ABCC9: variants seen among roughly 807,000 people sequenced by gnomAD.
ABCC9 encodes the protein ATP-binding cassette sub-family C member 9.
ABCC9 carries 95 observed loss-of-function variants against 188.3 expected under a neutral mutation model. The ratio of observed to expected loss-of-function variants is 0.50; its 90% CI spans 0.43 to 0.60. The LOEUF (loss-of-function observed/expected upper bound fraction) is 0.60, where lower values mean the gene tolerates loss of function less well. Among genes scored for constraint, ABCC9 ranks in the 20% least tolerant of loss-of-function variants. The pLI is 0.00. For synonymous variants in ABCC9, 659 were observed against 652.7 expected (o/e 1.01, Z -0.15); for missense variants, 1,102 against 1,876.3 (o/e 0.59, Z 7.62).
chr12:21,915,267 A>ATATGTATGTGTGTATGTATATAC (rs774503903), intron 7 of ABCC9, among the ~76,000 whole-genome samples: 55 of 89,172 alleles, frequency 6.2e-4, no homozygotes, highest in South Asian at 1.4e-3. Flanking sequence ...GTGTGTATAT[A>ATATGTATGTGTGTATGTATATAC]ATGTGTATAT....
Position 21,913,055 on chromosome 12 carries a change from T to G in ABCC9, c.828A>C (p.Ala276=), listed in dbSNP as rs1481796693. The change falls in exon 8 of 40, where the codon GCA becomes GCC. Residue 276 remains alanine, a synonymous_variant. Transcript: ENST00000261200. ...TAGATGGAGTCCGATTTGGATGATC[T>G]GCAACTTTTTTCTGAAGAAAAAAAA... ...DAYEEQKKKV[A]DHPNRTPSIW... is the part of the protein sequence containing the mutation. 14 of 1,597,554 alleles carry G rather than the reference T, an allele frequency of 8.8e-6. No homozygotes were observed. Among genetic ancestry groups the G allele is most frequent in the Non-Finnish European group, 1.2e-5 (14 of 1,175,462 alleles).
At chr12:21,857,320 A>T (rs1592083495) in intron 22 of ABCC9, among the ~76,000 whole-genome samples, 1 of 152,196 alleles carries the variant, frequency 6.6e-6, no homozygotes, top group African/African-American at 2.4e-5. Flanking sequence ...GCCTAGAGAA[A>T]TGTAAATTTA....
chr12:21,872,012 G>T (rs1946109309), intron 18 of ABCC9, among the ~76,000 whole-genome samples: 1 of 152,136 alleles, frequency 6.6e-6, no homozygotes, highest in Admixed American at 6.5e-5. Flanking sequence ...ACCACAATGT[G>T]CTTTGACCAC....
At chr12:21,853,334 A>G (rs1203945036) in intron 22 of ABCC9, among the ~76,000 whole-genome samples, 1 of 152,268 alleles carries the variant, frequency 6.6e-6, no homozygotes, top group Middle Eastern at 3.4e-3. Context: ...GTCAAAAAAG[A>G]AAGAAAAAAG....
intron 39 of ABCC9, among the ~76,000 whole-genome samples, chr12:21,803,276 A>T (rs1203569068): frequency 1.3e-5 from 2 of 152,134 alleles, no homozygotes; most frequent in Non-Finnish European, 2.9e-5. Flanking sequence ...GATGTCTAAA[A>T]AAAGAATTTG....
chr12:21,828,930 C>A, intron 31 of ABCC9, 28 bp downstream of exon 31: 2 of 1,581,612 alleles, frequency 1.3e-6, no homozygotes, highest in Non-Finnish European at 1.7e-6. Flanking sequence ...TATTTGGTTT[C>A]CATTTCGAAA....
chr12:21,867,367 G>C (rs899884199), intron 18 of ABCC9, among the ~76,000 whole-genome samples: 2 of 152,064 alleles, frequency 1.3e-5, no homozygotes, highest in African/African-American at 2.4e-5. Context: ...GACAACAGGA[G>C]AATGCAAAGA....
Position 21,895,380 on chromosome 12 carries a change from C to A in ABCC9, c.1619-65G>T. On this transcript the variant is annotated intron_variant, in intron 12 of 39. Coordinates refer to ENST00000261200, the MANE Select transcript of ABCC9 (RefSeq NM_020297.4). ...TGAAAACATTTTCAGTAACTTTAAT[C>A]ATCTATTATTGCTTTAACTTTCTTT... 2.9e-6 allele frequency: 4 copies of A among 1,367,550 alleles called. No homozygotes were observed. The South Asian group carries it at 3.5e-5, about 12-fold the overall frequency. The allele number at this position is 1,367,550 out of a possible 1,614,324, so 84.7% of individuals were successfully genotyped here.
Position 21,910,244 on chromosome 12 carries a change from C to A in ABCC9, c.1233G>T (p.Gly411=). The change falls in exon 10 of 40, where the codon GGG becomes GGT. Residue 411 remains glycine (G), a synonymous_variant. Transcript: ENST00000261200. ...CAATGGCGACTAAGTTGTTGATCTG[C>A]CCCAGAGTCATCTCCCCCATGGATA... is the stretch of plus-strand genomic sequence containing the variant. ...SNLSMGEMTL[G]QINNLVAIET... is the part of the protein sequence containing the mutation. The A allele has an allele frequency of 2.5e-6, 4 of 1,611,404 alleles. No individual in the cohort carries two copies. The South Asian group carries it at 4.4e-5, about 18-fold the overall frequency.
intron 4 of ABCC9, among the ~76,000 whole-genome samples, chr12:21,933,308 G>A (rs142925814): frequency 6.6e-6 from 1 of 151,920 alleles, no homozygotes; most frequent in African/African-American, 2.4e-5. Context: ...GAAATAATCT[G>A]TACAACAAAC....
At chr12:21,892,819 AAATT>A (rs1947229429) in intron 14 of ABCC9, among the ~76,000 whole-genome samples, 1 of 152,220 alleles carries the variant, frequency 6.6e-6, no homozygotes, top group Non-Finnish European at 1.5e-5. Context: ...TTTGAATAAT[AAATT>A]CTAGTTTTCT....
At chr12:21,887,163 A>C (rs904575585) in intron 15 of ABCC9, among the ~76,000 whole-genome samples, 1 of 152,224 alleles carries the variant, frequency 6.6e-6, no homozygotes, top group African/African-American at 2.4e-5. Flanking sequence ...ATATATTTAA[A>C]TAAAGCTTAT....
intron 22 of ABCC9, among the ~76,000 whole-genome samples, chr12:21,857,119 A>G (rs1404974360): frequency 6.6e-6 from 1 of 152,194 alleles, no homozygotes; most frequent in South Asian, 2.1e-4. Flanking sequence ...ATGTTTTTCA[A>G]TAAGTTGCAA....
chr12:21,825,391 C>A (rs1943311403), intron 31 of ABCC9, among the ~76,000 whole-genome samples: 1 of 152,170 alleles, frequency 6.6e-6, no homozygotes, highest in Admixed American at 6.5e-5. Context: ...TTGGAACCAA[C>A]CCAAATGCCC....
Position 21,841,347 on chromosome 12 carries a change from CTTTTTTTTTTT to C in ABCC9, c.3473+956_3473+966del, listed in dbSNP as rs1174314931. 5.4e-3 allele frequency among the ~76,000 whole-genome samples: 105 copies of C among 19,586 alleles called. 1 individual carries two copies. Among genetic ancestry groups the C allele is most frequent in the African/African-American group, 0.023 (88 of 3,806 alleles). The allele number at this position is 19,586 out of a possible 152,430, so 12.8% of individuals were successfully genotyped here. A position where few individuals can be genotyped will look rare whatever the true frequency, so the allele number is the denominator to read the frequency against. On this transcript the variant is annotated intron_variant, in intron 29 of 39. Coordinates refer to ENST00000261200, the MANE Select transcript of ABCC9 (RefSeq NM_020297.4). ...TCTTTGGGATTATGTTTCTGGTTTC[CTTTTTTTTTTT>C]TTTTTTTTTTTTTTTTTTGAGACAG... is the stretch of plus-strand genomic sequence containing the variant.
intron 16 of ABCC9, among the ~76,000 whole-genome samples, chr12:21,878,561 G>A (rs774953740): frequency 6.6e-6 from 1 of 152,148 alleles, no homozygotes; most frequent in African/African-American, 2.4e-5. Flanking sequence ...TCCTAACTAT[G>A]TGTGGCACAT....
At chr12:21,827,387 A>G (rs190064203) in intron 31 of ABCC9, 18 of 859,918 alleles carry the variant, frequency 2.1e-5, no homozygotes, top group Non-Finnish European at 2.2e-5. Context: ...CCTAAAAGAC[A>G]TACTTGATCT....
chr12:21,816,473 T>C (rs1430187562), intron 33 of ABCC9, among the ~76,000 whole-genome samples: 1 of 152,030 alleles, frequency 6.6e-6, no homozygotes, highest in African/African-American at 2.4e-5. Flanking sequence ...CCAGGAGGGC[T>C]CCAAGAGGAA....
At chr12:21,879,066 T>C (rs1457853547) in intron 16 of ABCC9, among the ~76,000 whole-genome samples, 1 of 152,184 alleles carries the variant, frequency 6.6e-6, no homozygotes, top group Non-Finnish European at 1.5e-5. Flanking sequence ...TCAGTGTACA[T>C]CACTAGGGGA....
Sources: gnomAD v4.1 joint callset for allele counts (sites outside exome capture counted in the v4.1 genomes callset) on GRCh38, gnomAD v4.1.1 for gene constraint, MANE v1.5 for transcripts, NCBI Gene and HGNC (gene_info 2026-07-23, HGNC 2026-07-21) for gene names.